Variants in NCKAP5 observed in about 807,000 individuals in gnomAD.
NCKAP5 encodes NCK associated protein 5, also known as nck-associated protein 5.
Under a neutral mutation model 167.0 loss-of-function variants are expected in NCKAP5, and 92 were observed. That is an observed-to-expected ratio of 0.55 (90% CI 0.47 to 0.66). The LOEUF (loss-of-function observed/expected upper bound fraction) is 0.66, where lower values mean the gene tolerates loss of function less well. Among genes scored for constraint, NCKAP5 ranks in the 30% least tolerant of loss-of-function variants. NCKAP5 has a pLI of 0.00. For missense variants in NCKAP5, 2,378 were observed against 2,315.0 expected, an observed-to-expected ratio of 1.03 and a Z score of -0.56; for synonymous variants, 891 against 877.4, an observed-to-expected ratio of 1.02 and a Z score of -0.27.
intron 3 of NCKAP5, among the ~76,000 whole-genome samples, chr2:133,508,945 A>C (rs1400909414): frequency 6.6e-6 from 1 of 152,230 alleles, no homozygotes; most frequent in East Asian, 1.9e-4. Context: ...AAATGTGTCC[A>C]GTTCCTGTTT....
chr2:132,948,250 C>T (rs1697909147), intron 8 of NCKAP5, among the ~76,000 whole-genome samples: 2 of 152,054 alleles, frequency 1.3e-5, no homozygotes, highest in South Asian at 4.1e-4. Context: ...AAAAGTGGGC[C>T]CCTTTATGAA....
At chr2:133,649,754 A>G in the NCKAP5 span, among the ~76,000 whole-genome samples, 2 of 152,164 alleles carry the variant, frequency 1.3e-5, no homozygotes, top group Non-Finnish European at 2.9e-5. Context: ...AATAAAGAAC[A>G]TGTGTGAAAA....
At chr2:133,074,165 G>T (rs1015089923) in intron 6 of NCKAP5, among the ~76,000 whole-genome samples, 1 of 151,956 alleles carries the variant, frequency 6.6e-6, no homozygotes, top group African/African-American at 2.4e-5. Context: ...AAAAATATTT[G>T]TCTCTATATT....
At chr2:132,879,108 T>C (rs935656889) in intron 8 of NCKAP5, among the ~76,000 whole-genome samples, 192 bp from the exon 9 acceptor site, 15 of 152,180 alleles carry the variant, frequency 9.9e-5, no homozygotes, top group Non-Finnish European at 8.8e-5. Context: ...ACTTGCTCAC[T>C]AAAATACATG....
intron 3 of NCKAP5, among the ~76,000 whole-genome samples, chr2:133,423,870 C>CA (rs1315816538): frequency 6.6e-6 from 1 of 152,148 alleles, no homozygotes; most frequent in African/African-American, 2.4e-5. Context: ...CTCAGCTTTA[C>CA]AAAATACAAG....
At chr2:132,810,935 T>C (rs570721381) in intron 11 of NCKAP5, among the ~76,000 whole-genome samples, 206 of 152,276 alleles carry the variant, frequency 1.4e-3, no homozygotes, top group African/African-American at 4.7e-3. Flanking sequence ...TTGAAGGCTG[T>C]TGTTCAGATC....
intron 3 of NCKAP5, among the ~76,000 whole-genome samples, chr2:133,490,851 A>G (rs916712352): frequency 2.6e-5 from 4 of 152,132 alleles, no homozygotes; most frequent in African/African-American, 9.7e-5. Context: ...TTCTTTGTGG[A>G]CTCCAGCTCT....
chr2:133,221,253 G>T (rs2086651303), intron 4 of NCKAP5, among the ~76,000 whole-genome samples: 1 of 151,948 alleles, frequency 6.6e-6, no homozygotes, highest in South Asian at 2.1e-4. Flanking sequence ...CCTTTACTGT[G>T]GTAAAGATAT....
intron 3 of NCKAP5, among the ~76,000 whole-genome samples, chr2:133,442,756 T>G (rs1358134685): frequency 6.6e-6 from 1 of 152,160 alleles, no homozygotes; most frequent in Non-Finnish European, 1.5e-5. Flanking sequence ...AAACCATGTT[T>G]AAAGGGGCTA....
chr2:133,151,878 G>GA (rs2149889986), intron 5 of NCKAP5, among the ~76,000 whole-genome samples: 1 of 152,236 alleles, frequency 6.6e-6, no homozygotes, highest in South Asian at 2.1e-4. Context: ...GAGGTGGGGG[G>GA]ACCTCACTTG....
chr2:132,956,505 T>C (rs1433024960), intron 8 of NCKAP5, among the ~76,000 whole-genome samples: 1 of 152,220 alleles, frequency 6.6e-6, no homozygotes, highest in African/African-American at 2.4e-5. Flanking sequence ...TGCTTGCAGA[T>C]CTCATTCTTG....
intron 2 of NCKAP5, among the ~76,000 whole-genome samples, chr2:133,550,084 C>G (rs1687148028): frequency 6.6e-6 from 1 of 151,112 alleles, no homozygotes; most frequent in African/African-American, 2.4e-5. Flanking sequence ...ATAACAGGAG[C>G]TGAAATTGTG....
At chr2:133,627,787 A>T in the NCKAP5 span, among the ~76,000 whole-genome samples, 1 of 152,180 alleles carries the variant, frequency 6.6e-6, no homozygotes, top group East Asian at 1.9e-4. Flanking sequence ...AGTGTAGCAG[A>T]CTTATGCTAA....
chr2:133,377,798 A>G (rs1418811790), intron 3 of NCKAP5, among the ~76,000 whole-genome samples: 1 of 152,190 alleles, frequency 6.6e-6, no homozygotes, highest in Non-Finnish European at 1.5e-5. Context: ...GGAAGTAAGA[A>G]CTGGGCTCAC....
At chr2:132,756,198 G>A (rs75088563) in intron 16 of NCKAP5, among the ~76,000 whole-genome samples, 3,560 of 152,208 alleles carry the variant, frequency 0.023, 159 homozygotes, top group African/African-American at 0.082. Context: ...TTACCAACAA[G>A]GTCTAAGTTC....
At chr2:133,466,086 T>C (rs1331202442) in intron 3 of NCKAP5, among the ~76,000 whole-genome samples, 1 of 148,688 alleles carries the variant, frequency 6.7e-6, no homozygotes, top group Non-Finnish European at 1.5e-5. Flanking sequence ...TCCTTGCCCA[T>C]GCCTATGTCC....
intron 9 of NCKAP5, among the ~76,000 whole-genome samples, chr2:132,872,235 T>C (rs1690881758): frequency 6.6e-6 from 1 of 152,192 alleles, no homozygotes; most frequent in African/African-American, 2.4e-5. Flanking sequence ...TCCTAGGAGA[T>C]GGAGCAGGGC....
At chr2:132,974,110 C>G (rs543620092) in intron 7 of NCKAP5, among the ~76,000 whole-genome samples, 4 of 152,272 alleles carry the variant, frequency 2.6e-5, no homozygotes, top group African/African-American at 9.6e-5. Flanking sequence ...ATCCTTAAAT[C>G]TTAGCACTGT....
chr2:132,731,816 A>C lies in NCKAP5; in HGVS notation c.5364T>G (p.Val1788=), dbSNP rs369395391. Residue 1788 remains valine (V), a synonymous_variant, in exon 17 of 20, where the codon GTT becomes GTG. Transcript: ENST00000409261. ...DGQRPADSAI[V]HSTSDPIMTA... Reference sequence around the variant, plus strand: ...TCATGATGGGGTCGGATGTGGAATGAACAATGGCGCTATCTGCAGGGCGCT... The same window carrying C: ...TCATGATGGGGTCGGATGTGGAATGCACAATGGCGCTATCTGCAGGGCGCT... 1.5e-5 allele frequency: 24 copies of C among 1,613,818 alleles called. No individual in the cohort carries two copies. Among genetic ancestry groups the C allele is most frequent in the Middle Eastern group, 1.6e-4 (1 of 6,084 alleles).
Sources: gnomAD v4.1 joint callset for allele counts (sites outside exome capture counted in the v4.1 genomes callset) on GRCh38, gnomAD v4.1.1 for gene constraint, MANE v1.5 for transcripts, NCBI Gene and HGNC (gene_info 2026-07-23, HGNC 2026-07-21) for gene names.